Variants in KIAA1217 observed in about 807,000 individuals in gnomAD.
KIAA1217 encodes sickle tail protein homolog.
KIAA1217 carries 88 observed loss-of-function variants against 163.9 expected under a neutral mutation model. That is an observed-to-expected ratio of 0.54 (90% CI 0.45 to 0.64). The LOEUF (loss-of-function observed/expected upper bound fraction) is 0.64, where lower values mean the gene tolerates loss of function less well. KIAA1217 is among the 30% of genes least tolerant of loss of function. KIAA1217 has a pLI of 0.00. For synonymous variants in KIAA1217, 903 were observed against 923.1 expected (o/e 0.98, Z 0.39); for missense variants, 2,372 against 2,475.0 (o/e 0.96, Z 0.88).
At chr10:23,935,964 A>G (rs1156249977) in intron 1 of KIAA1217, among the ~76,000 whole-genome samples, 4 of 152,168 alleles carry the variant, frequency 2.6e-5, no homozygotes, top group African/African-American at 9.7e-5. Context: ...TACAAAAGAG[A>G]CTGCAAGGTA....
At chr10:24,270,452 G>T (rs376910279) in intron 2 of KIAA1217, among the ~76,000 whole-genome samples, 1 of 152,162 alleles carries the variant, frequency 6.6e-6, no homozygotes, top group African/African-American at 2.4e-5. Context: ...TAAATCACAT[G>T]AATGCATCCA....
intron 1 of KIAA1217, among the ~76,000 whole-genome samples, chr10:23,938,692 G>A (rs750423359): frequency 6.6e-6 from 1 of 151,860 alleles, no homozygotes; most frequent in African/African-American, 2.4e-5. Flanking sequence ...GATGTGCCTC[G>A]GTTATGTGCA....
At chr10:23,758,349 T>C (rs1564395823) in intron 1 of KIAA1217, among the ~76,000 whole-genome samples, 3 of 150,832 alleles carry the variant, frequency 2.0e-5, no homozygotes, top group South Asian at 2.1e-4. Context: ...GGCACTCTTA[T>C]TGGAAATCAT....
rs561284665 is a variant in KIAA1217 at position 24,351,687 on chromosome 10, T to C, written c.355-29182T>C. Among the ~76,000 whole-genome samples, 7 of 152,258 alleles carry C rather than the reference T, an allele frequency of 4.6e-5. No homozygotes were observed. In the East Asian group the frequency reaches 1.4e-3, roughly 29 times the overall value. ...TCCTGCATCTTAGCAAAATCTCTCC[T>C]CAAAAAAATGTTCTAGATTAGTAGT... On this transcript the variant is annotated intron_variant, in intron 2 of 20. Coordinates refer to ENST00000376454, the MANE Select transcript of KIAA1217 (RefSeq NM_019590.5).
At chr10:24,309,352 A>C (rs2014556) in intron 2 of KIAA1217, among the ~76,000 whole-genome samples, 1 of 89,622 alleles carries the variant, frequency 1.1e-5, no homozygotes, top group Non-Finnish European at 2.4e-5. Context: ...GCGCGCGCGC[A>C]CACACACACA....
At chr10:24,156,587 A>G (rs2064886735) in intron 2 of KIAA1217, among the ~76,000 whole-genome samples, 1 of 152,164 alleles carries the variant, frequency 6.6e-6, no homozygotes, top group South Asian at 2.1e-4. Flanking sequence ...TCACTTTTAT[A>G]CATAAACTAA....
chr10:23,789,213 G>A (rs1208271682), intron 1 of KIAA1217, among the ~76,000 whole-genome samples: 1 of 152,136 alleles, frequency 6.6e-6, no homozygotes, highest in Non-Finnish European at 1.5e-5. Flanking sequence ...ATCAGTATTA[G>A]AGGCTTGTGT....
At chr10:24,098,943 C>T (rs757931245) in intron 2 of KIAA1217, among the ~76,000 whole-genome samples, 36 of 152,188 alleles carry the variant, frequency 2.4e-4, no homozygotes, top group Middle Eastern at 3.4e-3. Context: ...GTGATTGCAC[C>T]ACTATATTCC....
intron 1 of KIAA1217, among the ~76,000 whole-genome samples, chr10:23,822,694 T>C (rs1290438661): frequency 2.6e-5 from 4 of 152,194 alleles, no homozygotes; most frequent in African/African-American, 9.7e-5. Flanking sequence ...TGTCCCTTGA[T>C]TGCTTAAAGA....
At chr10:24,322,694 G>A (rs1027635562) in intron 2 of KIAA1217, among the ~76,000 whole-genome samples, 2 of 152,120 alleles carry the variant, frequency 1.3e-5, no homozygotes, top group African/African-American at 4.8e-5. Flanking sequence ...GTGGGTAGAC[G>A]TCTTTCGTGC....
intron 1 of KIAA1217, among the ~76,000 whole-genome samples, chr10:24,214,166 A>G (rs1216289446): frequency 7.2e-5 from 11 of 152,146 alleles, no homozygotes; most frequent in Non-Finnish European, 1.3e-4. Context: ...CTAAAAACAA[A>G]CAAAGAAAAA....
chr10:23,945,065 A>AG (rs1843956521), intron 1 of KIAA1217, among the ~76,000 whole-genome samples: 1 of 147,516 alleles, frequency 6.8e-6, no homozygotes, highest in South Asian at 2.2e-4. Context: ...TCTCAAAAAA[A>AG]AAAAAAAAAA....
At chr10:23,715,424 T>C (rs1324392066) in intron 1 of KIAA1217, among the ~76,000 whole-genome samples, 6 of 152,168 alleles carry the variant, frequency 3.9e-5, no homozygotes, top group East Asian at 1.9e-4. Context: ...AGATCATAAA[T>C]AGTTTCTGAG....
intron 1 of KIAA1217, among the ~76,000 whole-genome samples, chr10:23,925,873 AG>A (rs1407261148): frequency 2.0e-5 from 3 of 152,208 alleles, no homozygotes; most frequent in Admixed American, 6.5e-5. Flanking sequence ...AGTTTTGATC[AG>A]CTGAGAATTG....
intron 2 of KIAA1217, among the ~76,000 whole-genome samples, chr10:24,143,485 A>G (rs1402430590): frequency 1.3e-5 from 2 of 151,294 alleles, no homozygotes; most frequent in African/African-American, 4.9e-5. Context: ...CAGGCTTTGA[A>G]CTCCTGACCT....
At chr10:24,529,568 T>C (rs2072787252) in intron 14 of KIAA1217, among the ~76,000 whole-genome samples, 1 of 152,118 alleles carries the variant, frequency 6.6e-6, no homozygotes. Context: ...GAGGACCAAC[T>C]GCACTTGTCT....
intron 2 of KIAA1217, among the ~76,000 whole-genome samples, chr10:24,197,889 G>A (rs1400800497): frequency 1.3e-5 from 2 of 152,200 alleles, no homozygotes; most frequent in Admixed American, 1.3e-4. Flanking sequence ...TGAAATGCAT[G>A]GACCTGACAC....
chr10:23,965,384 T>C (rs1053867246), intron 1 of KIAA1217, among the ~76,000 whole-genome samples: 1 of 152,232 alleles, frequency 6.6e-6, no homozygotes, highest in African/African-American at 2.4e-5. Context: ...CTCTTGTTCC[T>C]GGGGCCGTCA....
rs772161423 is a variant in KIAA1217 at position 24,171,989 on chromosome 10, AT to A, written c.-170-47636del. On this transcript the variant is annotated intron_variant, in intron 2 of 18. Coordinates refer to the KIAA1217 transcript ENST00000376462. Reference sequence around the variant, plus strand: ...ATCCTCTGAGGTTGGGGCTATTATTATCCCCATTTAAACAGAGAAGAAACTG... The same window carrying A: ...ATCCTCTGAGGTTGGGGCTATTATTACCCCATTTAAACAGAGAAGAAACTG... Among the ~76,000 whole-genome samples, 101 of 152,320 alleles carry A rather than the reference AT, an allele frequency of 6.6e-4. 1 individual carries two copies. Among genetic ancestry groups the A allele is most frequent in the Non-Finnish European group, 1.3e-3 (88 of 68,032 alleles).
Sources: gnomAD v4.1 joint callset for allele counts (sites outside exome capture counted in the v4.1 genomes callset) on GRCh38, gnomAD v4.1.1 for gene constraint, MANE v1.5 for transcripts, NCBI Gene and HGNC (gene_info 2026-07-23, HGNC 2026-07-21) for gene names.